The following KDM2A variants were observed in gnomAD, a reference collection of about 807,000 sequenced individuals.
The protein encoded by KDM2A is lysine-specific demethylase 2A.
Under a neutral mutation model 137.3 loss-of-function variants are expected in KDM2A, and 3 were observed. The observed-to-expected ratio is 0.02, with a 90% CI of 0.01 to 0.06. KDM2A has a LOEUF of 0.06. KDM2A is among the 10% of genes least tolerant of loss of function. KDM2A has a pLI of 1.00. For missense variants in KDM2A, 738 were observed against 1,510.6 expected, an observed-to-expected ratio of 0.49 and a Z score of 8.48; for synonymous variants, 512 against 541.5, an observed-to-expected ratio of 0.95 and a Z score of 0.76.
intron 5 of KDM2A, chr11:67,195,973 G>T: frequency 2.3e-6 from 1 of 441,326 alleles, no homozygotes; most frequent in Non-Finnish European, 4.5e-6. Context: ...ATCAACTCAA[G>T]ATGTTGTGAT....
At chr11:67,122,651 A>G (rs1043219594) in intron 2 of KDM2A, among the ~76,000 whole-genome samples, 119 of 121,840 alleles carry the variant, frequency 9.8e-4, no homozygotes, top group African/African-American at 6.1e-3. Flanking sequence ...ATTTTTATTT[A>G]TTTATTTATT....
intron 5 of KDM2A, among the ~76,000 whole-genome samples, chr11:67,203,029 T>C (rs975549438): frequency 6.0e-5 from 9 of 149,310 alleles, no homozygotes; most frequent in South Asian, 2.1e-4. Context: ...GAAAAACGGT[T>C]TACACTTCAG....
intron 2 of KDM2A, among the ~76,000 whole-genome samples, chr11:67,137,483 G>A (rs1855994087): frequency 6.6e-6 from 1 of 152,154 alleles, no homozygotes; most frequent in African/African-American, 2.4e-5. Flanking sequence ...GAGATTCTAT[G>A]ATTGATTCTA....
chr11:67,151,005 A>G (rs1474441204), intron 2 of KDM2A, among the ~76,000 whole-genome samples: 2 of 152,138 alleles, frequency 1.3e-5, no homozygotes, highest in Non-Finnish European at 2.9e-5. Flanking sequence ...CCTTGCATGC[A>G]GTAGAGATGT....
At chr11:67,150,171 CT>C (rs1343869876) in intron 2 of KDM2A, among the ~76,000 whole-genome samples, 2 of 152,200 alleles carry the variant, frequency 1.3e-5, no homozygotes, top group East Asian at 3.8e-4. Context: ...TAAGAAACAG[CT>C]ACAGCTGTTT....
intron 2 of KDM2A, among the ~76,000 whole-genome samples, chr11:67,171,494 G>C (rs1856882117): frequency 6.8e-6 from 1 of 147,632 alleles, no homozygotes; most frequent in Non-Finnish European, 1.5e-5. Context: ...GATCTGAGAG[G>C]TTAAATGATT....
intron 2 of KDM2A, among the ~76,000 whole-genome samples, chr11:67,127,894 C>T (rs1242528610): frequency 6.6e-5 from 10 of 151,416 alleles, no homozygotes; most frequent in Admixed American, 2.6e-4. Context: ...TTGGTAGAGA[C>T]GGGGTTTCAC....
intron 2 of KDM2A, among the ~76,000 whole-genome samples, chr11:67,127,527 G>A (rs1396096847): frequency 1.3e-5 from 2 of 151,992 alleles, no homozygotes; most frequent in African/African-American, 2.4e-5. Context: ...ATTATCGCAT[G>A]TTCAATCCTG....
At chr11:67,219,850 C>G (rs987553044) in intron 10 of KDM2A, among the ~76,000 whole-genome samples, 1 of 151,524 alleles carries the variant, frequency 6.6e-6, no homozygotes, top group South Asian at 2.1e-4. Flanking sequence ...TGCGACTGGC[C>G]AAATAAAAAT....
chr11:67,242,278 A>ATGTG (rs35881675), intron 12 of KDM2A, among the ~76,000 whole-genome samples: 231 of 148,192 alleles, frequency 1.6e-3, no homozygotes, highest in African/African-American at 5.0e-3. Flanking sequence ...GGGTGTGTGT[A>ATGTG]TGTGTGTGTG....
In KDM2A at chr11:67,250,881, G is replaced by A. The variant is rs1424699875; in HGVS notation, c.2768+83G>A. ...CCATATGAGAACAGCATGCACCTTGGCATCTGAAAGCCTGTGGGGTCTTAT... is the reference window on the plus strand; with the variant it reads ...CCATATGAGAACAGCATGCACCTTGACATCTGAAAGCCTGTGGGGTCTTAT... On this transcript the variant is annotated intron_variant, in intron 17 of 20. Transcript: ENST00000529006. The surrounding 1 kb of genome is among the most constrained non-coding windows in gnomAD (Gnocchi z 7.1). 10 of 1,038,468 alleles carry A rather than the reference G, an allele frequency of 9.6e-6. No individual in the cohort carries two copies. Among genetic ancestry groups the A allele is most frequent in the Non-Finnish European group, 1.4e-5 (10 of 703,890 alleles). 64.3% of individuals were successfully genotyped at this position (1,038,468 alleles called of 1,614,324 possible).
chr11:67,186,430 G>A (rs576618954), intron 5 of KDM2A, among the ~76,000 whole-genome samples: 1 of 152,280 alleles, frequency 6.6e-6, no homozygotes, highest in South Asian at 2.1e-4. Flanking sequence ...CAAAAGGGGC[G>A]AGAGATTAAG....
At chr11:67,232,063 C>A in intron 12 of KDM2A, 103 bp downstream of exon 12, 1 of 1,143,526 alleles carries the variant, frequency 8.7e-7, no homozygotes. Context: ...ATCTCTGGTT[C>A]AGTCAGAGAG....
intron 2 of KDM2A, among the ~76,000 whole-genome samples, chr11:67,169,601 C>T (rs952845431): frequency 1.3e-5 from 2 of 151,554 alleles, no homozygotes; most frequent in African/African-American, 4.8e-5. Context: ...CTCTTGAACT[C>T]CTGACCTTAG....
chr11:67,204,899 A>G (rs1431295055), intron 5 of KDM2A, among the ~76,000 whole-genome samples: 2 of 152,148 alleles, frequency 1.3e-5, no homozygotes, highest in Admixed American at 6.6e-5. Flanking sequence ...TTGTTTATTC[A>G]TATCATGGTA....
intron 12 of KDM2A, among the ~76,000 whole-genome samples, chr11:67,236,381 A>G (rs1204683359): frequency 6.6e-6 from 1 of 152,000 alleles, no homozygotes; most frequent in African/African-American, 2.4e-5. Flanking sequence ...CTGCCTGTCT[A>G]GGCCTCCCAG....
chr11:67,190,332 C>T (rs1328932270), intron 5 of KDM2A, among the ~76,000 whole-genome samples: 1 of 151,862 alleles, frequency 6.6e-6, no homozygotes. Flanking sequence ...ATGGCTTGAA[C>T]CTAGGAAGCA....
intron 9 of KDM2A, among the ~76,000 whole-genome samples, chr11:67,219,013 C>T (rs1858253263): frequency 6.6e-6 from 1 of 152,166 alleles, no homozygotes; most frequent in Non-Finnish European, 1.5e-5. Context: ...TTGTACAGAG[C>T]CTGGTTTATA....
At chr11:67,194,305 G>C (rs913654561) in intron 5 of KDM2A, among the ~76,000 whole-genome samples, 2 of 152,140 alleles carry the variant, frequency 1.3e-5, no homozygotes, top group Admixed American at 1.3e-4. Flanking sequence ...ACCCCCAGCT[G>C]TCCCAGCAGC....
Sources: gnomAD v4.1 joint callset for allele counts (sites outside exome capture counted in the v4.1 genomes callset) on GRCh38, gnomAD v4.1.1 for gene constraint, Gnocchi (gnomAD v3.1) non-coding constraint, MANE v1.5 for transcripts, NCBI Gene and HGNC (gene_info 2026-07-23, HGNC 2026-07-21) for gene names.